The following LRMDA variants were observed in gnomAD, a reference collection of about 807,000 sequenced individuals.
LRMDA encodes the protein leucine-rich melanocyte differentiation-associated protein.
In LRMDA, 18 loss-of-function variants were observed where a neutral mutation model predicts 29.8. The observed-to-expected ratio is 0.60, with a 90% CI of 0.42 to 0.90. The LOEUF (loss-of-function observed/expected upper bound fraction) is 0.90. Among genes scored for constraint, LRMDA ranks in the 40% least tolerant of loss-of-function variants. The pLI, the probability that LRMDA is intolerant of heterozygous loss-of-function variation, is 0.00. For synonymous variants in LRMDA, 125 were observed against 109.4 expected, an observed-to-expected ratio of 1.14 and a Z score of -0.89; for missense variants, 273 against 273.9, an observed-to-expected ratio of 1.00 and a Z score of 0.02.
At chr10:76,313,231 C>G (rs1382551405) in intron 5 of LRMDA, among the ~76,000 whole-genome samples, 1 of 152,090 alleles carries the variant, frequency 6.6e-6, no homozygotes, top group East Asian at 1.9e-4. Flanking sequence ...TGTGACTCCT[C>G]GTGAAACTTT....
chr10:75,737,048 T>TGCACGCAC (rs781083030), intron 2 of LRMDA, among the ~76,000 whole-genome samples: 1 of 151,456 alleles, frequency 6.6e-6, no homozygotes, highest in Non-Finnish European at 1.5e-5. Flanking sequence ...TACACACACA[T>TGCACGCAC]GCACGCACGC....
At chr10:75,672,375 T>C (rs1841901263) in intron 2 of LRMDA, among the ~76,000 whole-genome samples, 1 of 151,708 alleles carries the variant, frequency 6.6e-6, no homozygotes, top group South Asian at 2.1e-4. Flanking sequence ...AATATTATTT[T>C]CTCTGTGTGT....
chr10:75,834,103 A>T (rs1308678511), intron 2 of LRMDA, among the ~76,000 whole-genome samples: 1 of 152,178 alleles, frequency 6.6e-6, no homozygotes, highest in Non-Finnish European at 1.5e-5. Context: ...TGCCTACTTT[A>T]CAGCCTTCTT....
intron 2 of LRMDA, among the ~76,000 whole-genome samples, chr10:75,455,743 G>T (rs949786517): frequency 1.3e-5 from 2 of 152,176 alleles, no homozygotes; most frequent in African/African-American, 4.8e-5. Context: ...GTATAATAGA[G>T]GTTCTCATGC....
intron 6 of LRMDA, among the ~76,000 whole-genome samples, chr10:76,326,179 C>A (rs1036110176): frequency 2.2e-4 from 33 of 152,150 alleles, no homozygotes; most frequent in African/African-American, 8.0e-4. Context: ...CATAAGGAGA[C>A]CAATAGAGAG....
At chr10:76,060,074 G>A (rs1848680371) in intron 5 of LRMDA, among the ~76,000 whole-genome samples, 1 of 152,158 alleles carries the variant, frequency 6.6e-6, no homozygotes, top group Non-Finnish European at 1.5e-5. Flanking sequence ...TTTATTTCTT[G>A]GCCTTCTTTT....
chr10:75,975,970 T>A (rs1382267291), intron 2 of LRMDA, among the ~76,000 whole-genome samples: 1 of 152,252 alleles, frequency 6.6e-6, no homozygotes, highest in African/African-American at 2.4e-5. Context: ...CAAACTGCTC[T>A]CTTCCTTTTC....
At chr10:76,236,750 G>T (rs1213875283) in intron 5 of LRMDA, among the ~76,000 whole-genome samples, 1 of 152,184 alleles carries the variant, frequency 6.6e-6, no homozygotes, top group East Asian at 1.9e-4. Flanking sequence ...CAAGCCCTTA[G>T]ACTTCTTCTC....
chr10:76,558,170 C>A lies in LRMDA; in HGVS notation c.*882C>A, dbSNP rs1470870453. The A allele has an allele frequency of 6.6e-6, 1 of 152,146 alleles. No homozygotes were observed. The highest frequency in any genetic ancestry group is 1.9e-4 in the East Asian group (1 of 5,190). 9.4% of individuals were successfully genotyped at this position (152,146 alleles called of 1,614,324 possible). A position where few individuals can be genotyped will look rare whatever the true frequency, so the allele number is the denominator to read the frequency against. ...TTAACCGTACACACTTCCAGTGATGCCTGTGGCCATACTTGTGCGTGGGGC... is the reference window on the plus strand; with the variant it reads ...TTAACCGTACACACTTCCAGTGATGACTGTGGCCATACTTGTGCGTGGGGC... On this transcript the variant is annotated 3_prime_UTR_variant, in exon 7 of 7. Coordinates refer to ENST00000611255, the MANE Select transcript of LRMDA (RefSeq NM_001305581.2).
intron 5 of LRMDA, among the ~76,000 whole-genome samples, chr10:76,157,982 A>C (rs1407346531): frequency 1.6e-5 from 1 of 64,192 alleles, no homozygotes; most frequent in Admixed American, 2.0e-4. Context: ...TATCTAAACA[A>C]AAAAAAAGTT....
In LRMDA at chr10:76,058,676, CT is replaced by C. The variant is rs769346315; in HGVS notation, c.410del (p.Leu137ArgfsTer7). 1.9e-6 allele frequency: 3 copies of C among 1,613,462 alleles called. No individual in the cohort carries two copies. In the South Asian group the frequency reaches 3.3e-5, roughly 18 times the overall value. ...ACTCTTATCTTCCAGATGCTTTGTT[CT>C]GTACAAGCTGCCCAACTTGAAATTT... The part of the protein sequence containing the change: ...EDYKRYRCFV[L>X]YKLPNLKFLD... On this transcript the variant is annotated frameshift_variant, in exon 5 of 7. Coordinates refer to ENST00000611255, the MANE Select transcript of LRMDA (RefSeq NM_001305581.2). LOFTEE classifies it high-confidence loss of function.
intron 5 of LRMDA, among the ~76,000 whole-genome samples, chr10:76,169,133 T>G (rs1477512180): frequency 6.6e-6 from 1 of 152,174 alleles, no homozygotes; most frequent in Non-Finnish European, 1.5e-5. Flanking sequence ...AATTCTAAAA[T>G]TATTGGCAGG....
chr10:75,524,854 A>T (rs576670027), intron 2 of LRMDA, among the ~76,000 whole-genome samples: 1 of 152,284 alleles, frequency 6.6e-6, no homozygotes, highest in East Asian at 1.9e-4. Context: ...TGGGGGAGAT[A>T]GAAAGATACC....
chr10:76,437,404 C>T (rs1160123532), intron 6 of LRMDA: 2 of 152,206 alleles, frequency 1.3e-5, no homozygotes, highest in Non-Finnish European at 2.9e-5. Context: ...GATAAGAGCA[C>T]AGCTTCTTCC....
At chr10:76,471,701 G>A (rs1165856219) in intron 6 of LRMDA, among the ~76,000 whole-genome samples, 3 of 151,656 alleles carry the variant, frequency 2.0e-5, no homozygotes, top group Admixed American at 1.3e-4. Flanking sequence ...CAAAGATACA[G>A]ATAGTTTGAA....
intron 2 of LRMDA, among the ~76,000 whole-genome samples, chr10:75,946,530 G>GT (rs1292839980): frequency 1.3e-5 from 2 of 152,260 alleles, no homozygotes; most frequent in East Asian, 3.9e-4. Flanking sequence ...GGCTGCTGGC[G>GT]TTTGATTTGT....
intron 2 of LRMDA, among the ~76,000 whole-genome samples, chr10:75,851,353 T>A (rs989243447): frequency 3.3e-5 from 5 of 152,230 alleles, no homozygotes; most frequent in Admixed American, 2.6e-4. Context: ...TTTACTGTTA[T>A]GTTTTTCTAT....
chr10:75,895,167 G>T (rs11001539), intron 2 of LRMDA, among the ~76,000 whole-genome samples: 6,335 of 152,230 alleles, frequency 0.042, 385 homozygotes, highest in East Asian at 0.31. Flanking sequence ...GTGAGTGTTT[G>T]GACTTTATTC....
chr10:76,273,391 T>G (rs1840091339), intron 5 of LRMDA, among the ~76,000 whole-genome samples: 1 of 152,210 alleles, frequency 6.6e-6, no homozygotes, highest in African/African-American at 2.4e-5. Context: ...CTTTTATACT[T>G]ACTAATATCA....
Sources: allele counts gnomAD v4.1 joint callset (sites outside exome capture counted in the v4.1 genomes callset), GRCh38; gene constraint gnomAD v4.1.1; transcripts MANE v1.5; gene names NCBI Gene and HGNC (gene_info 2026-07-23, HGNC 2026-07-21).